SF3B1: variants seen among roughly 807,000 people sequenced by gnomAD.
SF3B1 encodes pre-mRNA processing 10.
Under a neutral mutation model 153.8 loss-of-function variants are expected in SF3B1, and 12 were observed. That is an observed-to-expected ratio of 0.08 (90% CI 0.05 to 0.13). The LOEUF (loss-of-function observed/expected upper bound fraction) is 0.13. Among genes scored for constraint, SF3B1 ranks in the 10% least tolerant of loss-of-function variants. The pLI is 1.00. For missense variants in SF3B1, 513 were observed against 1,606.1 expected, an observed-to-expected ratio of 0.32 and a Z score of 11.63; for synonymous variants, 498 against 525.2, an observed-to-expected ratio of 0.95 and a Z score of 0.71.
intron 1 of SF3B1, among the ~76,000 whole-genome samples, chr2:197,425,483 A>G (rs1226262446): frequency 6.6e-6 from 1 of 151,902 alleles, no homozygotes; most frequent in Non-Finnish European, 1.5e-5. Flanking sequence ...TAAATAGATA[A>G]ATAAATCAAA....
At chr2:197,411,913 T>A (rs1251244811) in intron 6 of SF3B1, among the ~76,000 whole-genome samples, 1 of 151,872 alleles carries the variant, frequency 6.6e-6, no homozygotes, top group Non-Finnish European at 1.5e-5. Flanking sequence ...CTGGCCAACA[T>A]GGCAAAAGCC....
In SF3B1 at chr2:197,400,524, C is replaced by A; in HGVS notation, c.2719-90G>T. 1 of 1,195,444 alleles carries A rather than the reference C, an allele frequency of 8.4e-7. No homozygotes were observed. Among genetic ancestry groups the A allele is most frequent in the African/African-American group, 1.6e-5 (1 of 64,138 alleles). 74.1% of individuals were successfully genotyped at this position (1,195,444 alleles called of 1,614,324 possible). A position where few individuals can be genotyped will look rare whatever the true frequency, so the allele number is the denominator to read the frequency against. ...TAAGAGTCAACCTTTTCTAACCACC[C>A]AAACATCTGTTGCTGTTTTTTTACA... On this transcript the variant is annotated intron_variant, in intron 18 of 24. Transcript: ENST00000335508. This position sits in a 1 kb window ranked among gnomAD's most constrained non-coding sequence, Gnocchi z 5.0.
At chr2:197,393,388 GAGGACTTTTGCTTTA>G in intron 23 of SF3B1, 200 bp from the exon 24 acceptor site, 1 of 559,452 alleles carries the variant, frequency 1.8e-6, no homozygotes, top group Non-Finnish European at 3.2e-6. Flanking sequence ...GCTTCCACTT[GAGGACTTTTGCTTTA>G]ATTACTCAAG....
chr2:197,431,415 C>T (rs1325295391), intron 1 of SF3B1, among the ~76,000 whole-genome samples: 1 of 152,086 alleles, frequency 6.6e-6, no homozygotes, highest in African/African-American at 2.4e-5. Context: ...ACACCATGCC[C>T]AGCCCTTTTC....
intron 1 of SF3B1, among the ~76,000 whole-genome samples, 185 bp downstream of exon 1, chr2:197,434,787 A>G (rs2085496555): frequency 6.6e-6 from 1 of 152,258 alleles, no homozygotes; most frequent in Non-Finnish European, 1.5e-5. Flanking sequence ...TCGGGGGTGT[A>G]AGAGGAGGAC....
At chr2:197,414,949 A>G (rs2085125750) in intron 6 of SF3B1, among the ~76,000 whole-genome samples, 1 of 151,986 alleles carries the variant, frequency 6.6e-6, no homozygotes. Flanking sequence ...GGCTGCAGTG[A>G]GCTATTATTG....
chr2:197,397,927 T>C, intron 22 of SF3B1, 58 bp downstream of exon 22: 5 of 1,316,010 alleles, frequency 3.8e-6, no homozygotes, highest in Non-Finnish European at 5.3e-6. Flanking sequence ...TATTTTCCAA[T>C]ACCACAATGC....
intron 2 of SF3B1, among the ~76,000 whole-genome samples, chr2:197,421,490 T>A (rs2085241890): frequency 6.6e-6 from 1 of 152,196 alleles, no homozygotes; most frequent in Non-Finnish European, 1.5e-5. Flanking sequence ...TCTACTTTCT[T>A]TTTTTAACTC....
In SF3B1 at chr2:197,391,811, G is replaced by A. The variant is rs2084812760; in HGVS notation, c.*492C>T. 1 of 157,434 alleles carries A rather than the reference G, an allele frequency of 6.4e-6. No homozygotes were observed. Among genetic ancestry groups the A allele is most frequent in the Admixed American group, 6.5e-5 (1 of 15,400 alleles). The allele number at this position is 157,434 out of a possible 1,614,324, so 9.8% of individuals were successfully genotyped here. ...TTGCTGTCATTATTAACACAACAAT[G>A]GAATTTTGACAAAGATGCCATCACT... On this transcript the variant is annotated 3_prime_UTR_variant, in exon 25 of 25. Transcript: ENST00000335508.
chr2:197,417,575 TAAAA>T (rs56204414), intron 5 of SF3B1, among the ~76,000 whole-genome samples: 1 of 99,824 alleles, frequency 1.0e-5, no homozygotes, highest in Non-Finnish European at 2.0e-5. Context: ...CCACCTCTAC[TAAAA>T]AAAAAAAAAA....
chr2:197,418,558 G>C lies in SF3B1; in HGVS notation c.446C>G (p.Ala149Gly). 6.2e-7 allele frequency: 1 copy of C among 1,612,558 alleles called. No homozygotes were observed. Among genetic ancestry groups the C allele is most frequent in the Non-Finnish European group, 8.5e-7 (1 of 1,178,970 alleles). ...TCGCATTACATCCATGTAAGTCCTA[G>C]CATTCATTTTAGGATCAGGGGTTTT... ...GGKTPDPKMN[A>G]RTYMDVMREQ... Residue 149 changes from alanine to glycine, a missense_variant, in exon 5 of 25, where the codon GCT (alanine) becomes GGT (glycine). Ala to Gly is a moderately conservative substitution (Grantham distance 60, BLOSUM62 0). Coordinates refer to ENST00000335508, the MANE Select transcript of SF3B1 (RefSeq NM_012433.4).
rs1194283894 is a variant in SF3B1 at position 197,401,698 on chromosome 2, C to A, written c.2370+44G>T. ...AAACACTTTAAAATTCTGTTAGAAC[C>A]ATGAAACATATCCAGTTTACATTAA... is the stretch of plus-strand genomic sequence containing the variant. On this transcript the variant is annotated intron_variant, in intron 16 of 24. Transcript: ENST00000335508. The surrounding 1 kb of genome is among the most constrained non-coding windows in gnomAD (Gnocchi z 4.2). 2 of 1,572,130 alleles carry A rather than the reference C, an allele frequency of 1.3e-6. No individual in the cohort carries two copies. The highest frequency in any genetic ancestry group is 3.8e-5 in the Admixed American group (2 of 52,894).
intron 1 of SF3B1, among the ~76,000 whole-genome samples, chr2:197,432,347 T>C (rs1377531923): frequency 6.6e-6 from 1 of 152,266 alleles, no homozygotes; most frequent in East Asian, 1.9e-4. Flanking sequence ...GTGTGTTCCC[T>C]GTTTGTATGC....
intron 22 of SF3B1, 29 bp from the exon 23 acceptor site, chr2:197,396,357 G>C: frequency 6.4e-7 from 1 of 1,568,424 alleles, no homozygotes; most frequent in Admixed American, 1.9e-5. Context: ...TCAACAAGCT[G>C]TTACATTATA....
intron 6 of SF3B1, among the ~76,000 whole-genome samples, chr2:197,411,269 C>T (rs2085063385): frequency 6.6e-6 from 1 of 152,174 alleles, no homozygotes; most frequent in African/African-American, 2.4e-5. Context: ...AAGATAGTAT[C>T]ATATCAAAGT....
intron 2 of SF3B1, among the ~76,000 whole-genome samples, chr2:197,422,638 C>A (rs1026414973): frequency 1.3e-5 from 2 of 152,112 alleles, no homozygotes; most frequent in African/African-American, 4.8e-5. Flanking sequence ...CGCCTGTAAT[C>A]CCAGCACTCT....
chr2:197,429,727 T>C (rs1475710358), intron 1 of SF3B1, among the ~76,000 whole-genome samples: 1 of 150,392 alleles, frequency 6.6e-6, no homozygotes, highest in Non-Finnish European at 1.5e-5. Flanking sequence ...GAGCTTGCAG[T>C]GAGCCGACAT....
intron 6 of SF3B1, among the ~76,000 whole-genome samples, chr2:197,410,301 G>C (rs1379806867): frequency 6.6e-6 from 1 of 152,050 alleles, no homozygotes; most frequent in African/African-American, 2.4e-5. Flanking sequence ...TGTGACTGGG[G>C]GAAATCACTG....
chr2:197,434,687 T>C (rs1385732893), intron 1 of SF3B1, among the ~76,000 whole-genome samples: 1 of 152,188 alleles, frequency 6.6e-6, no homozygotes, highest in Non-Finnish European at 1.5e-5. Context: ...CCACGAATCC[T>C]ACTGAGGAAG....
Sources: allele counts gnomAD v4.1 joint callset (sites outside exome capture counted in the v4.1 genomes callset), GRCh38; gene constraint gnomAD v4.1.1; non-coding constraint Gnocchi (gnomAD v3.1); transcripts MANE v1.5; gene names NCBI Gene and HGNC (gene_info 2026-07-23, HGNC 2026-07-21).